The following FAM20B variants were observed in gnomAD, a reference collection of about 807,000 sequenced individuals.
FAM20B encodes the protein glycosaminoglycan xylosylkinase.
Under a neutral mutation model 43.8 loss-of-function variants are expected in FAM20B, and 23 were observed. The ratio of observed to expected loss-of-function variants is 0.53; its 90% CI spans 0.38 to 0.74. The LOEUF is 0.74. FAM20B is among the 30% of genes least tolerant of loss of function. The pLI is 0.00. For missense variants in FAM20B, 440 were observed against 510.5 expected (o/e 0.86, Z 1.33); for synonymous variants, 178 against 192.4 (o/e 0.93, Z 0.62).
intron 4 of FAM20B, among the ~76,000 whole-genome samples, chr1:179,057,852 T>C (rs1453950002): frequency 6.6e-6 from 1 of 151,422 alleles, no homozygotes; most frequent in Non-Finnish European, 1.5e-5. Context: ...AATAGGGAGG[T>C]GGCCAAGAAG....
Position 179,054,601 on chromosome 1 carries a change from C to T in FAM20B, c.537C>T (p.Val179=), listed in dbSNP as rs781098016. The T allele has an allele frequency of 6.6e-5, 107 of 1,612,202 alleles. No homozygotes were observed. Among genetic ancestry groups the T allele is most frequent in the South Asian group, 1.1e-4 (10 of 90,948 alleles). ...ATCTTCGGACAGAGATCAAACCTGT[C>T]GCCACAGAGCAGCTGTTGAGCACCT... ...FVNLRTEIKP[V]ATEQLLSTFL... Residue 179 remains valine (V), a synonymous_variant, in exon 4 of 8, where the codon GTC becomes GTT. Transcript: ENST00000263733.
At chr1:179,063,569 C>CA (rs1249859505) in intron 4 of FAM20B, among the ~76,000 whole-genome samples, 1 of 152,170 alleles carries the variant, frequency 6.6e-6, no homozygotes, top group African/African-American at 2.4e-5. Context: ...GCTTGGATGA[C>CA]AAAGCCAGAC....
intron 6 of FAM20B, among the ~76,000 whole-genome samples, chr1:179,065,390 AC>A (rs1651647120): frequency 6.6e-6 from 1 of 150,794 alleles, no homozygotes; most frequent in Non-Finnish European, 1.5e-5. Flanking sequence ...GCTTGCCTCG[AC>A]CTCTCAAAGT....
chr1:179,063,058 C>T (rs1033214032), intron 4 of FAM20B, among the ~76,000 whole-genome samples: 1 of 152,112 alleles, frequency 6.6e-6, no homozygotes, highest in South Asian at 2.1e-4. Context: ...GGGCGGATCA[C>T]CTGAGGTCAG....
chr1:179,029,972 T>C (rs187151262), intron 1 of FAM20B, among the ~76,000 whole-genome samples: 1 of 152,350 alleles, frequency 6.6e-6, no homozygotes, highest in Non-Finnish European at 1.5e-5. Flanking sequence ...CTTTTTGAAT[T>C]ATTGAATCTA....
At position 179,075,184 on chromosome 1, in the gene FAM20B, T is replaced by C. The variant is rs1572567029; in HGVS notation, c.*3040T>C. 2 of 151,020 alleles carry C rather than the reference T, an allele frequency of 1.3e-5. No homozygotes were observed. Among genetic ancestry groups the C allele is most frequent in the South Asian group, 4.2e-4 (2 of 4,794 alleles). The allele number at this position is 151,020 out of a possible 1,614,324, so 9.4% of individuals were successfully genotyped here. On this transcript the variant is annotated 3_prime_UTR_variant, in exon 8 of 8. Transcript: ENST00000263733. ...TCCAGCCTGGGAGACAGAGCGAGAC[T>C]CTGTCTTAAAAAAAAAAAAAGGAGG... is the stretch of plus-strand genomic sequence containing the variant.
At chr1:179,041,992 A>G (rs1362378913) in intron 1 of FAM20B, among the ~76,000 whole-genome samples, 1 of 152,166 alleles carries the variant, frequency 6.6e-6, no homozygotes, top group Non-Finnish European at 1.5e-5. Context: ...GATGGCTTGC[A>G]TTCCAATTAA....
At position 179,047,154 on chromosome 1, in the gene FAM20B, A is replaced by G. The variant is rs187056132; in HGVS notation, c.377+2930A>G. Among the ~76,000 whole-genome samples, 4 of 152,300 alleles carry G rather than the reference A, an allele frequency of 2.6e-5. No homozygotes were observed. The East Asian group carries it at 7.7e-4, about 29-fold the overall frequency. ...TAGGCCTGAAATGTTCAGACAAGAT[A>G]TAAGTGGTGGGAGGAGAGGCCAGAC... On this transcript the variant is annotated intron_variant, in intron 2 of 7. Transcript: ENST00000263733.
Position 179,043,998 on chromosome 1 carries a change from G to T in FAM20B, c.151G>T (p.Glu51Ter). Residue 51 changes from glutamate (E) to a stop codon, truncating the protein, a stop_gained, in exon 2 of 8, where the codon GAG (glutamate) becomes TAG (stop). Coordinates refer to ENST00000263733, the MANE Select transcript of FAM20B (RefSeq NM_014864.4). LOFTEE classifies it high-confidence loss of function. ...FHRMMTGLRV[E>*]LAPKLDHTLQ... Reference sequence around the variant, plus strand: ...CCGAATGATGACTGGCTTGCGGGTGGAGCTGGCACCCAAGCTGGACCATAC... The same window carrying T: ...CCGAATGATGACTGGCTTGCGGGTGTAGCTGGCACCCAAGCTGGACCATAC... 1 of 1,614,162 alleles carries T rather than the reference G, an allele frequency of 6.2e-7. No individual in the cohort carries two copies. The highest frequency in any genetic ancestry group is 8.5e-7 in the Non-Finnish European group (1 of 1,180,012).
chr1:179,073,222 A>G lies in FAM20B; in HGVS notation c.*1078A>G, dbSNP rs1652001862. The G allele has an allele frequency of 6.6e-6, 1 of 152,282 alleles. No individual in the cohort carries two copies. Among genetic ancestry groups the G allele is most frequent in the Middle Eastern group, 3.4e-3 (1 of 294 alleles). 9.4% of individuals were successfully genotyped at this position (152,282 alleles called of 1,614,324 possible). ...GGGACACTCCTACAGGTGAGAGTGTATACCTTACTCTCTCAGATAAGTGGC... is the reference window on the plus strand; with the variant it reads ...GGGACACTCCTACAGGTGAGAGTGTGTACCTTACTCTCTCAGATAAGTGGC... On this transcript the variant is annotated 3_prime_UTR_variant, in exon 8 of 8. Transcript: ENST00000263733.
intron 4 of FAM20B, among the ~76,000 whole-genome samples, chr1:179,055,308 C>T (rs1651165276): frequency 6.6e-6 from 1 of 152,292 alleles, no homozygotes; most frequent in East Asian, 1.9e-4. Flanking sequence ...CTTGTTTCCA[C>T]CTCTTCACCT....
chr1:179,026,351 G>A (rs1217867059), intron 1 of FAM20B, among the ~76,000 whole-genome samples: 2 of 151,920 alleles, frequency 1.3e-5, no homozygotes, highest in African/African-American at 2.4e-5. Context: ...CCCTGTGTGC[G>A]GTCGCGGCTG....
chr1:179,048,397 T>C (rs926565240), intron 2 of FAM20B, among the ~76,000 whole-genome samples: 2 of 152,226 alleles, frequency 1.3e-5, no homozygotes, highest in African/African-American at 2.4e-5. Flanking sequence ...CTTCCCTCCA[T>C]CTTTTCCTCT....
At chr1:179,071,454 GTA>G (rs1242566177) in intron 7 of FAM20B, among the ~76,000 whole-genome samples, 1 of 152,154 alleles carries the variant, frequency 6.6e-6, no homozygotes, top group Non-Finnish European at 1.5e-5. Flanking sequence ...TCCAATCCAT[GTA>G]TGTGTATTTT....
rs565254062 is a variant in FAM20B at position 179,042,978 on chromosome 1, G to A, written c.-133-737G>A. 1.1e-4 allele frequency among the ~76,000 whole-genome samples: 17 copies of A among 152,288 alleles called. No homozygotes were observed. The East Asian group carries it at 2.1e-3, about 19-fold the overall frequency. On this transcript the variant is annotated intron_variant, in intron 1 of 7. Transcript: ENST00000263733. ...GGTTTGCGGACTCTTAACCAGAACC[G>A]ACAGCCCAGCCCCCATGCTTCAGGC...
intron 1 of FAM20B, 106 bp downstream of exon 1, chr1:179,026,204 C>G (rs1293248382): frequency 6.7e-6 from 1 of 148,578 alleles, no homozygotes; most frequent in African/African-American, 2.5e-5. Flanking sequence ...TAGCGCGCGC[C>G]GGGCTGGGGC....
At chr1:179,032,056 A>G (rs1650035881) in intron 1 of FAM20B, among the ~76,000 whole-genome samples, 1 of 152,226 alleles carries the variant, frequency 6.6e-6, no homozygotes, top group Non-Finnish European at 1.5e-5. Flanking sequence ...TCTCAAATTT[A>G]GGCAAGAATT....
intron 1 of FAM20B, among the ~76,000 whole-genome samples, chr1:179,041,386 G>C (rs1380341937): frequency 4.6e-5 from 7 of 152,266 alleles, no homozygotes; most frequent in Admixed American, 2.6e-4. Context: ...GAGTGAACGA[G>C]ACTCCGTCTG....
chr1:179,062,324 A>C (rs1403884576), intron 4 of FAM20B, among the ~76,000 whole-genome samples: 2 of 152,194 alleles, frequency 1.3e-5, no homozygotes, highest in Non-Finnish European at 2.9e-5. Context: ...CACAAGATAC[A>C]TCTGTATCTT....
Sources: allele counts gnomAD v4.1 joint callset (sites outside exome capture counted in the v4.1 genomes callset), GRCh38; gene constraint gnomAD v4.1.1; transcripts MANE v1.5; gene names NCBI Gene and HGNC (gene_info 2026-07-23, HGNC 2026-07-21).